CFAP57: variants seen among roughly 807,000 people sequenced by gnomAD.
CFAP57 encodes the protein cilia and flagella associated protein 57, also known as cilia- and flagella-associated protein 57.
Under a neutral mutation model 146.8 loss-of-function variants are expected in CFAP57, and 116 were observed. The observed-to-expected ratio is 0.79, with a 90% CI of 0.68 to 0.92. The LOEUF (loss-of-function observed/expected upper bound fraction) is 0.92, where lower values mean the gene tolerates loss of function less well. Among genes scored for constraint, CFAP57 ranks in the 40% least tolerant of loss-of-function variants. CFAP57 has a pLI of 0.00. For missense variants in CFAP57, 1,377 were observed against 1,527.2 expected, an observed-to-expected ratio of 0.90 and a Z score of 1.64; for synonymous variants, 518 against 552.8, an observed-to-expected ratio of 0.94 and a Z score of 0.88.
chr1:43,193,730 AATTTTATAT>A (rs1449655027), intron 6 of CFAP57, among the ~76,000 whole-genome samples: 3 of 151,826 alleles, frequency 2.0e-5, no homozygotes, highest in Non-Finnish European at 4.4e-5. Context: ...TACCTTATAT[AATTTTATAT>A]ATTTTAAAGA....
intron 17 of CFAP57, among the ~76,000 whole-genome samples, chr1:43,225,467 T>G (rs1645210923): frequency 6.6e-6 from 1 of 152,150 alleles, no homozygotes; most frequent in African/African-American, 2.4e-5. Flanking sequence ...TTTACAGAAA[T>G]AGACAGCAGG....
Position 43,198,508 on chromosome 1 carries a change from A to C in CFAP57, c.1290A>C (p.Gln430His). ...CCCTGGAACTATTTAAGGAATACCA[A>C]GAAGAGGCATATTCCATCAGCCTTC... The part of the protein sequence containing the change: ...TNTLELFKEY[Q>H]EEAYSISLHP... The change falls in exon 8 of 23, where the codon CAA becomes CAC. Residue 430 changes from glutamine to histidine, a missense_variant. By Grantham distance (24) the Gln-to-His change is conservative. Coordinates refer to ENST00000372492, the MANE Select transcript of CFAP57 (RefSeq NM_001378189.1). 1 of 1,614,180 alleles carries C rather than the reference A, an allele frequency of 6.2e-7. No individual in the cohort carries two copies. The highest frequency in any genetic ancestry group is 8.5e-7 in the Non-Finnish European group (1 of 1,180,038).
At chr1:43,196,201 C>T (rs1386691693) in intron 6 of CFAP57, among the ~76,000 whole-genome samples, 1 of 152,162 alleles carries the variant, frequency 6.6e-6, no homozygotes, top group East Asian at 1.9e-4. Context: ...TGTGATTCCC[C>T]ATCATTGCAT....
intron 22 of CFAP57, among the ~76,000 whole-genome samples, chr1:43,248,023 G>T (rs1025665079): frequency 2.6e-5 from 4 of 151,210 alleles, no homozygotes; most frequent in African/African-American, 4.9e-5. Flanking sequence ...TACTCGGGAG[G>T]TAGCCACTCA....
intron 6 of CFAP57, among the ~76,000 whole-genome samples, chr1:43,190,265 C>CTTTTTTTTTTTTTTTTTTT (rs71036614): frequency 1.4e-5 from 1 of 71,418 alleles, no homozygotes; most frequent in Non-Finnish European, 2.6e-5. Context: ...CATCCAGTCT[C>CTTTTTTTTTTTTTTTTTTT]TTTTTTTTTT....
intron 8 of CFAP57, 85 bp from the exon 9 acceptor site, chr1:43,199,305 G>A (rs1432848525): frequency 1.1e-5 from 14 of 1,324,220 alleles, no homozygotes; most frequent in South Asian, 7.0e-5. Flanking sequence ...GTCTGAACTC[G>A]TTGGGAAAAG....
At chr1:43,184,172 T>G (rs1417431181) in intron 4 of CFAP57, among the ~76,000 whole-genome samples, 1 of 152,240 alleles carries the variant, frequency 6.6e-6, no homozygotes, top group African/African-American at 2.4e-5. Context: ...GTGGCTAATT[T>G]AATGAATTGA....
At chr1:43,206,466 C>A in intron 9 of CFAP57, 3 of 507,578 alleles carry the variant, frequency 5.9e-6, no homozygotes, top group South Asian at 2.6e-5. Context: ...CTTAAGAAAC[C>A]TGTAGGATTC....
At chr1:43,223,801 A>C (rs1012945425) in intron 16 of CFAP57, among the ~76,000 whole-genome samples, 3 of 152,182 alleles carry the variant, frequency 2.0e-5, no homozygotes, top group African/African-American at 7.2e-5. Flanking sequence ...CAGTCCTCTC[A>C]TATGGAGAAT....
At position 43,181,899 on chromosome 1, in the gene CFAP57, A is replaced by G. The variant is rs768899578; in HGVS notation, c.474+49A>G. 4.4e-6 allele frequency: 7 copies of G among 1,588,510 alleles called. 1 individual carries two copies. In the South Asian group the frequency reaches 6.7e-5, roughly 15 times the overall value. The stretch of plus-strand genomic sequence containing the variant: ...CGTGAAAATTATAAAAAATAGAACT[A>G]CTTTTTATTGAATGTTTTCTGTGTA... On this transcript the variant is annotated intron_variant, in intron 3 of 22. Coordinates refer to ENST00000372492, the MANE Select transcript of CFAP57 (RefSeq NM_001378189.1).
At chr1:43,223,588 T>G (rs1645133487) in intron 16 of CFAP57, among the ~76,000 whole-genome samples, 1 of 152,224 alleles carries the variant, frequency 6.6e-6, no homozygotes, top group South Asian at 2.1e-4. Flanking sequence ...AAGCTGAAGT[T>G]TCTTCCTATT....
rs1395003525 is a variant in CFAP57 at position 43,221,437 on chromosome 1, C to T, written c.2313C>T (p.Asp771=). 6 of 1,538,888 alleles carry T rather than the reference C, an allele frequency of 3.9e-6. No homozygotes were observed. The highest frequency in any genetic ancestry group is 5.3e-6 in the Non-Finnish European group (6 of 1,141,182). ...YHHEHIEDLL[D]KQSRELQDME... is the part of the protein sequence containing the mutation. ...ATGAGCACATAGAAGACCTCCTAGA[C>T]AAGCAAAGCCGGGAACTGCAGGACA... Residue 771 remains aspartate, a synonymous_variant, in exon 14 of 23, where the codon GAC becomes GAT. Coordinates refer to ENST00000372492, the MANE Select transcript of CFAP57 (RefSeq NM_001378189.1).
At chr1:43,221,905 A>G (rs1645060407) in intron 14 of CFAP57, among the ~76,000 whole-genome samples, 200 bp from the exon 15 acceptor site, 1 of 152,164 alleles carries the variant, frequency 6.6e-6, no homozygotes, top group African/African-American at 2.4e-5. Context: ...CAGAGCAGGC[A>G]GGCAGGGAGT....
chr1:43,238,318 C>T lies in CFAP57; in HGVS notation c.3405+3680C>T, dbSNP rs931959863. Among the ~76,000 whole-genome samples, 2 of 152,196 alleles carry T rather than the reference C, an allele frequency of 1.3e-5. No homozygotes were observed. Among genetic ancestry groups the T allele is most frequent in the Non-Finnish European group, 2.9e-5 (2 of 68,030 alleles). On this transcript the variant is annotated intron_variant, in intron 21 of 22. Coordinates refer to ENST00000372492, the MANE Select transcript of CFAP57 (RefSeq NM_001378189.1). The surrounding 1 kb of genome is among the most constrained non-coding windows in gnomAD (Gnocchi z 4.3). ...ATTCCCTTCTCTTCTCTGCTCAATA[C>T]GGAGGTCGGAAAGACCTGCCAGGGT...
intron 11 of CFAP57, among the ~76,000 whole-genome samples, chr1:43,214,374 A>G (rs988642303): frequency 3.3e-5 from 5 of 152,190 alleles, no homozygotes; most frequent in African/African-American, 1.2e-4. Context: ...TTTTTAGCTT[A>G]ATGTCCTGAT....
intron 6 of CFAP57, among the ~76,000 whole-genome samples, chr1:43,190,395 C>G (rs12028373): frequency 0.18 from 26,897 of 151,182 alleles, 3,541 homozygotes; most frequent in African/African-American, 0.34. Context: ...CTCAGACTCC[C>G]GAGTAGCTGG....
chr1:43,172,419 C>G lies in CFAP57; in HGVS notation c.-54C>G. The G allele has an allele frequency of 6.4e-7, 1 of 1,551,306 alleles. No individual in the cohort carries two copies. Among genetic ancestry groups the G allele is most frequent in the Non-Finnish European group, 8.7e-7 (1 of 1,146,908 alleles). On this transcript the variant is annotated 5_prime_UTR_variant, in exon 1 of 23. Transcript: ENST00000372492. Reference sequence around the variant, plus strand: ...TCCCTACAGGTAGCGCCTCTGGATACATGCGTGGTCTGCTGACCCAGAGAG... The same window carrying G: ...TCCCTACAGGTAGCGCCTCTGGATAGATGCGTGGTCTGCTGACCCAGAGAG...
rs199759108 is a variant in CFAP57, at chr1:43,209,855, A to G, written c.1868A>G (p.Tyr623Cys). The change falls in exon 11 of 23, where the codon TAC (tyrosine) becomes TGC (cysteine). Residue 623 changes from tyrosine (Y) to cysteine (C), a missense_variant. By Grantham distance (194) the Tyr-to-Cys change is radical (BLOSUM62 -2). Transcript: ENST00000372492. ...TSVGTIRAMK[Y>C]PLPLQKEFNE... ...GTGGGAACCATTCGTGCCATGAAGT[A>G]CCCTCTGCCTCTGCAGAAGGAATTC... 1.4e-5 allele frequency: 23 copies of G among 1,614,116 alleles called. No individual in the cohort carries two copies. The East Asian group carries it at 4.9e-4, about 34-fold the overall frequency.
intron 16 of CFAP57, among the ~76,000 whole-genome samples, chr1:43,223,376 C>T (rs1244000479): frequency 1.3e-5 from 2 of 152,132 alleles, no homozygotes; most frequent in Admixed American, 1.3e-4. Context: ...AAGTCTTGGC[C>T]GGGAGGCATC....
Sources: gnomAD v4.1 joint callset for allele counts (sites outside exome capture counted in the v4.1 genomes callset) on GRCh38, gnomAD v4.1.1 for gene constraint, Gnocchi (gnomAD v3.1) non-coding constraint, MANE v1.5 for transcripts, NCBI Gene and HGNC (gene_info 2026-07-23, HGNC 2026-07-21) for gene names.